POTEF: variants seen among roughly 807,000 people sequenced by gnomAD.
The protein encoded by POTEF is ANKRD26-like family C member 1B.
Under a neutral mutation model 83.2 loss-of-function variants are expected in POTEF, and 20 were observed. That is an observed-to-expected ratio of 0.24 (90% CI 0.17 to 0.35). The LOEUF is 0.35. POTEF is among the 10% of genes least tolerant of loss of function. POTEF has a pLI of 1.00. For missense variants in POTEF, 550 were observed against 1,203.2 expected (o/e 0.46, Z 8.03); for synonymous variants, 196 against 446.4 (o/e 0.44, Z 7.07).
intron 2 of POTEF, among the ~76,000 whole-genome samples, chr2:130,121,223 C>T (rs1228888543): frequency 6.7e-6 from 1 of 148,778 alleles, no homozygotes; most frequent in African/African-American, 2.5e-5. Context: ...AGTCTTGGCG[C>T]CACGAATGTC....
chr2:130,118,278 C>A (rs1156689217), intron 3 of POTEF, among the ~76,000 whole-genome samples: 1 of 151,882 alleles, frequency 6.6e-6, no homozygotes. Context: ...AACAGTATTT[C>A]ATTCCTCTTC....
chr2:130,109,007 C>T (rs992970284), intron 7 of POTEF, among the ~76,000 whole-genome samples: 3 of 151,208 alleles, frequency 2.0e-5, no homozygotes, highest in East Asian at 1.9e-4. Flanking sequence ...CTGTAATTTT[C>T]GACATACATA....
At chr2:130,115,146 A>C (rs528018396) in intron 4 of POTEF, 68 bp downstream of exon 4, 1 of 1,611,912 alleles carries the variant, frequency 6.2e-7, no homozygotes, top group East Asian at 2.2e-5. Flanking sequence ...TTAAAGGAGA[A>C]AACTCATTTT....
chr2:130,074,928 A>T lies in POTEF; in HGVS notation c.2544T>A (p.Thr848=), dbSNP rs750417592. Residue 848 remains threonine, a synonymous_variant, in exon 17 of 17, where the codon ACT becomes ACA. Transcript: ENST00000409914. ...AVLSLYTSGR[T]TGIVMDSGDG... ...CACCAGAGTCCATCACGATGCCAGT[A>T]GTACGGCCAGAGGTGTACAGGGACA... 29 of 1,605,472 alleles carry T rather than the reference A, an allele frequency of 1.8e-5. No individual in the cohort carries two copies. In the African/African-American group the frequency reaches 1.9e-4, roughly 11 times the overall value.
rs1321192102 is a variant in POTEF, at chr2:130,121,119, CGCGGCGTGCGCGTGCGCGT to C, written c.-93-530_-93-512del. On this transcript the variant is annotated intron_variant, in intron 2 of 16. Transcript: ENST00000409914. The stretch of plus-strand genomic sequence containing the variant: ...GCCAAGCTGCTGCCGGGCGTGTGCG[CGCGGCGTGCGCGTGCGCGT>C]GCGGCGTGCTTATCTCAGGTGGCGT... Among the ~76,000 whole-genome samples, 25 of 151,546 alleles carry C rather than the reference CGCGGCGTGCGCGTGCGCGT, an allele frequency of 1.6e-4. 2 individuals carry two copies. The highest frequency in any genetic ancestry group is 1.2e-3 in the Admixed American group (18 of 15,262).
intron 5 of POTEF, among the ~76,000 whole-genome samples, chr2:130,114,067 T>G (rs976826562): frequency 4.6e-5 from 7 of 151,952 alleles, no homozygotes; most frequent in Admixed American, 6.6e-5. Context: ...TCTACCAGAA[T>G]AGGATACTAA....
chr2:130,117,827 TA>T (rs1684879752), intron 3 of POTEF, among the ~76,000 whole-genome samples: 1 of 152,110 alleles, frequency 6.6e-6, no homozygotes, highest in Non-Finnish European at 1.5e-5. Context: ...TTCTTACCAC[TA>T]AAGTGTTTGT....
intron 11 of POTEF, among the ~76,000 whole-genome samples, chr2:130,095,033 T>C (rs1684211426): frequency 9.2e-6 from 1 of 108,360 alleles, no homozygotes; most frequent in African/African-American, 3.3e-5. Context: ...AACTTTTTTT[T>C]TTTTTTTTTT....
At chr2:130,122,974 C>T (rs1412382779) in intron 2 of POTEF, among the ~76,000 whole-genome samples, 2 of 141,568 alleles carry the variant, frequency 1.4e-5, no homozygotes, top group African/African-American at 2.7e-5. Flanking sequence ...TATTTAGATG[C>T]CTTTCCTTTC....
intron 2 of POTEF, among the ~76,000 whole-genome samples, chr2:130,123,788 T>A (rs1685043353): frequency 6.9e-6 from 1 of 145,250 alleles, no homozygotes; most frequent in East Asian, 2.0e-4. Context: ...TAAGCATTTT[T>A]AAAATATATC....
chr2:130,114,670 C>T (rs183557514), intron 5 of POTEF, among the ~76,000 whole-genome samples: 1 of 150,768 alleles, frequency 6.6e-6, no homozygotes, highest in Admixed American at 6.6e-5. Flanking sequence ...AAGTATTTAC[C>T]ACAAGTGCAT....
chr2:130,117,304 T>C (rs1379128958), intron 3 of POTEF, among the ~76,000 whole-genome samples: 1 of 151,962 alleles, frequency 6.6e-6, no homozygotes, highest in African/African-American at 2.4e-5. Context: ...TCACGGAAGA[T>C]AGCCAACCAC....
chr2:130,123,432 TAA>T lies in POTEF; in HGVS notation c.-93-2826_-93-2825del, dbSNP rs201192296. On this transcript the variant is annotated intron_variant, in intron 2 of 16. Coordinates refer to ENST00000409914, the MANE Select transcript of POTEF (RefSeq NM_001099771.2). ...TCTTGAAAAATCTAGTAAAAATTTG[TAA>T]AGACTATAATTGCACAAACTCCCTC... Among the ~76,000 whole-genome samples the T allele has an allele frequency of 9.5e-3, 1,448 of 152,182 alleles. 14 individuals are homozygous for T. The highest frequency in any genetic ancestry group is 0.016 in the Non-Finnish European group (1,078 of 67,996).
In POTEF at chr2:130,075,326, T is replaced by C. The variant is rs1222173268; in HGVS notation, c.2146A>G (p.Met716Val). The change falls in exon 17 of 17, where the codon ATG becomes GTG. Residue 716 changes from methionine to valine, a missense_variant. By Grantham distance (21) the Met-to-Val change is conservative. Coordinates refer to ENST00000409914, the MANE Select transcript of POTEF (RefSeq NM_001099771.2). Reference sequence around the variant, plus strand: ...TCGCCCGCAAAGCCGGCCTTGCACATGCCAGAGCCGTTGTCAATGACGAGC... The same window carrying C: ...TCGCCCGCAAAGCCGGCCTTGCACACGCCAGAGCCGTTGTCAATGACGAGC... ...AVLVIDNGSG[M>V]CKAGFAGDDA... 3 of 1,612,660 alleles carry C rather than the reference T, an allele frequency of 1.9e-6. No individual in the cohort carries two copies. The highest frequency in any genetic ancestry group is 1.7e-5 in the Admixed American group (1 of 59,984).
intron 3 of POTEF, among the ~76,000 whole-genome samples, chr2:130,118,788 T>A (rs11893479): frequency 3.3e-5 from 5 of 152,048 alleles, no homozygotes; most frequent in East Asian, 3.9e-4. Context: ...TATATTTAAA[T>A]TTTTTAATCT....
intron 12 of POTEF, among the ~76,000 whole-genome samples, chr2:130,091,515 G>T (rs1183297738): frequency 6.6e-6 from 1 of 152,262 alleles, no homozygotes; most frequent in Admixed American, 6.5e-5. Flanking sequence ...GTTGTGTTGT[G>T]AGAACAAGAT....
At chr2:130,080,145 C>G (rs1231500482) in intron 15 of POTEF, among the ~76,000 whole-genome samples, 3 of 3,738 alleles carry the variant, frequency 8.0e-4, no homozygotes, top group Non-Finnish European at 1.3e-3. Context: ...CAAACTATTG[C>G]GGGGGGGGGG....
intron 1 of POTEF, among the ~76,000 whole-genome samples, chr2:130,128,738 C>A (rs941744267): frequency 2.2e-5 from 3 of 135,770 alleles, no homozygotes; most frequent in African/African-American, 8.3e-5. Flanking sequence ...CCTAAACCAC[C>A]CCCCGCTGCC....
chr2:130,121,119 C>CGAG (rs1558896903), intron 2 of POTEF, among the ~76,000 whole-genome samples: 8 of 151,546 alleles, frequency 5.3e-5, no homozygotes, highest in Admixed American at 3.3e-4. Context: ...GGCGTGTGCG[C>CGAG]GCGGCGTGCG....
Sources: allele counts gnomAD v4.1 joint callset (sites outside exome capture counted in the v4.1 genomes callset), GRCh38; gene constraint gnomAD v4.1.1; transcripts MANE v1.5; gene names NCBI Gene and HGNC (gene_info 2026-07-23, HGNC 2026-07-21).